Variants in FYTTD1 observed in about 807,000 individuals in gnomAD.
FYTTD1 encodes the protein UAP56-interacting factor.
A neutral mutation model predicts 40.9 loss-of-function variants in FYTTD1; 22 were observed. The observed-to-expected ratio is 0.54, with a 90% CI of 0.38 to 0.77. FYTTD1 has a LOEUF of 0.77. Ranked by LOEUF, FYTTD1 falls within the 30% of genes least tolerant of loss-of-function variation. The pLI is 0.00. For synonymous variants in FYTTD1, 140 were observed against 137.9 expected (o/e 1.01, Z -0.10); for missense variants, 351 against 392.2 (o/e 0.90, Z 0.89).
In FYTTD1 at chr3:197,756,553, T is replaced by C. The variant is rs1035549765; in HGVS notation, c.231T>C (p.Asn77=). ...RMRVRWGIQQ[N]SGFGKTSLNR... is the part of the protein sequence containing the mutation. ...GAGTGCGATGGGGAATCCAACAGAA[T>C]TCTGGTAAGTTTTGAAAGTAAGCTT... Residue 77 remains asparagine (N), a synonymous_variant, in exon 2 of 9, where the codon AAT becomes AAC. Transcript: ENST00000241502. 2 of 1,613,608 alleles carry C rather than the reference T, an allele frequency of 1.2e-6. No individual in the cohort carries two copies. The highest frequency in any genetic ancestry group is 1.7e-6 in the Non-Finnish European group (2 of 1,179,656).
chr3:197,753,320 C>T (rs1192468245), intron 1 of FYTTD1, among the ~76,000 whole-genome samples: 1 of 152,078 alleles, frequency 6.6e-6, no homozygotes, highest in Non-Finnish European at 1.5e-5. Context: ...GGTTCAATTC[C>T]TTAATTTGAA....
chr3:197,769,405 T>A (rs762528273), intron 3 of FYTTD1, among the ~76,000 whole-genome samples: 1 of 152,200 alleles, frequency 6.6e-6, no homozygotes, highest in African/African-American at 2.4e-5. Flanking sequence ...ATTTTTAATG[T>A]GATTTAGTCA....
At chr3:197,773,313 C>G in intron 4 of FYTTD1, 90 bp from the exon 5 acceptor site, 1 of 718,328 alleles carries the variant, frequency 1.4e-6, no homozygotes. Context: ...ATGTTTGCAG[C>G]CTATGAATTT....
chr3:197,762,386 C>T (rs1048792651), intron 2 of FYTTD1, among the ~76,000 whole-genome samples: 3 of 148,806 alleles, frequency 2.0e-5, no homozygotes, highest in East Asian at 1.9e-4. Context: ...GTCAGGAGTT[C>T]GAGAGCAGCC....
At chr3:197,757,262 C>T (rs1184923126) in intron 2 of FYTTD1, among the ~76,000 whole-genome samples, 4 of 152,172 alleles carry the variant, frequency 2.6e-5, no homozygotes, top group Non-Finnish European at 5.9e-5. Flanking sequence ...AGTAATTGAA[C>T]ACTAATATAT....
intron 2 of FYTTD1, among the ~76,000 whole-genome samples, chr3:197,768,086 A>C (rs1729604577): frequency 6.6e-6 from 1 of 152,252 alleles, no homozygotes; most frequent in Non-Finnish European, 1.5e-5. Context: ...CTCGATTCAG[A>C]CTAGTGCTTA....
At chr3:197,767,065 T>A (rs1171400385) in intron 2 of FYTTD1, among the ~76,000 whole-genome samples, 1 of 151,528 alleles carries the variant, frequency 6.6e-6, no homozygotes, top group African/African-American at 2.4e-5. Context: ...GTCTATTTTT[T>A]AATTTACCCC....
intron 2 of FYTTD1, among the ~76,000 whole-genome samples, chr3:197,762,093 G>A (rs1416179839): frequency 1.3e-5 from 2 of 152,132 alleles, no homozygotes; most frequent in African/African-American, 4.8e-5. Context: ...CCATCCTCAT[G>A]ACTTTACCTC....
Position 197,782,753 on chromosome 3 carries a change from G to A in FYTTD1, c.*844G>A, listed in dbSNP as rs894504552. On this transcript the variant is annotated 3_prime_UTR_variant, in exon 9 of 9. Transcript: ENST00000241502. ...CTGTTTGGATGTAGCATAGTCTTGA[G>A]TCTAGCGTCCACAAAGAATTATTCA... 1 of 152,142 alleles carries A rather than the reference G, an allele frequency of 6.6e-6. No homozygotes were observed. Among genetic ancestry groups the A allele is most frequent in the Non-Finnish European group, 1.5e-5 (1 of 68,022 alleles). 9.4% of individuals were successfully genotyped at this position (152,142 alleles called of 1,614,324 possible).
rs1286443144 is a variant in FYTTD1 at position 197,787,106 on chromosome 3, G to A, written c.*5197G>A. 1 of 135,022 alleles carries A rather than the reference G, an allele frequency of 7.4e-6. No homozygotes were observed. The highest frequency in any genetic ancestry group is 1.5e-5 in the Non-Finnish European group (1 of 65,346). The allele number at this position is 135,022 out of a possible 1,614,324, so 8.4% of individuals were successfully genotyped here. A position where few individuals can be genotyped will look rare whatever the true frequency, so the allele number is the denominator to read the frequency against. ...GAGCCACCACGCCCGCCCTAAAAGT[G>A]GATTCTTTTTTTTTTTTTTTTTTTT... On this transcript the variant is annotated 3_prime_UTR_variant, in exon 9 of 9. Transcript: ENST00000241502.
At chr3:197,757,660 A>G (rs558391214) in intron 2 of FYTTD1, among the ~76,000 whole-genome samples, 10 of 152,324 alleles carry the variant, frequency 6.6e-5, no homozygotes, top group Admixed American at 2.0e-4. Flanking sequence ...TTCTGGTCCC[A>G]GCCACTCAGG....
At chr3:197,761,902 T>A (rs1729399166) in intron 2 of FYTTD1, among the ~76,000 whole-genome samples, 1 of 152,198 alleles carries the variant, frequency 6.6e-6, no homozygotes, top group South Asian at 2.1e-4. Flanking sequence ...GAAGTTTATT[T>A]TGCACAGTTT....
At chr3:197,767,076 CTT>C (rs57992035) in intron 2 of FYTTD1, among the ~76,000 whole-genome samples, 5 of 146,098 alleles carry the variant, frequency 3.4e-5, no homozygotes, top group Non-Finnish European at 4.5e-5. Flanking sequence ...AATTTACCCC[CTT>C]TTTTTTTTTA....
intron 5 of FYTTD1, 68 bp from the exon 6 acceptor site, chr3:197,774,081 G>T: frequency 4.5e-6 from 6 of 1,329,218 alleles, no homozygotes; most frequent in Non-Finnish European, 6.5e-6. Context: ...AAGTTCCAGA[G>T]CAGGATCGCT....
At chr3:197,749,620 G>T, upstream of FYTTD1, 1 of 1,048,834 alleles carries the variant, frequency 9.5e-7, no homozygotes, top group Non-Finnish European at 1.3e-6. Flanking sequence ...GGACACGGAG[G>T]ATTATATCAC....
chr3:197,771,500 G>T (rs959253326), intron 4 of FYTTD1, among the ~76,000 whole-genome samples: 11 of 152,102 alleles, frequency 7.2e-5, no homozygotes, highest in Admixed American at 2.0e-4. Context: ...AATTAGGCCG[G>T]GTGCGGTGGC....
rs184518946 is a variant in FYTTD1, at chr3:197,779,361, G to C, written c.858+897G>C. 2.0e-5 allele frequency among the ~76,000 whole-genome samples: 3 copies of C among 151,864 alleles called. No individual in the cohort carries two copies. In the East Asian group the frequency reaches 5.8e-4, roughly 29 times the overall value. On this transcript the variant is annotated intron_variant, in intron 8 of 8. Transcript: ENST00000241502. ...ACCCAGGAGGCAGAGTTGGCAGGGA[G>C]CTGAGATCGTGCCACTCACTCCAGC...
upstream of FYTTD1, chr3:197,749,584 C>A: frequency 7.9e-7 from 1 of 1,271,976 alleles, no homozygotes; most frequent in South Asian, 1.2e-5. Context: ...GTATAGGGGA[C>A]CTGTCTGCAG....
At chr3:197,770,357 AC>A in intron 4 of FYTTD1, 113 bp downstream of exon 4, 1 of 679,048 alleles carries the variant, frequency 1.5e-6, no homozygotes, top group Non-Finnish European at 2.6e-6. Context: ...CATTTTCAAG[AC>A]AGATATTTGG....
Sources: gnomAD v4.1 joint callset for allele counts (sites outside exome capture counted in the v4.1 genomes callset) on GRCh38, gnomAD v4.1.1 for gene constraint, MANE v1.5 for transcripts, NCBI Gene and HGNC (gene_info 2026-07-23, HGNC 2026-07-21) for gene names.